HECW2: variants seen among roughly 807,000 people sequenced by gnomAD.
HECW2 encodes the protein E3 ubiquitin-protein ligase HECW2.
HECW2 carries 61 observed loss-of-function variants against 175.2 expected under a neutral mutation model. The observed-to-expected ratio is 0.35, with a 90% CI of 0.28 to 0.43. The LOEUF (loss-of-function observed/expected upper bound fraction) is 0.43. Ranked by LOEUF, HECW2 falls within the 20% of genes least tolerant of loss-of-function variation. The pLI is 1.00. For missense variants in HECW2, 1,524 were observed against 2,000.5 expected (o/e 0.76, Z 4.54); for synonymous variants, 671 against 731.0 (o/e 0.92, Z 1.32).
intron 2 of HECW2, among the ~76,000 whole-genome samples, chr2:196,413,269 C>T (rs1172399347): frequency 3.3e-5 from 5 of 152,214 alleles, no homozygotes; most frequent in Middle Eastern, 6.8e-3. Flanking sequence ...GTGGGAGGAT[C>T]GCTTGAGCAC....
chr2:196,340,247 A>G (rs1692698232), intron 3 of HECW2, among the ~76,000 whole-genome samples: 1 of 152,186 alleles, frequency 6.6e-6, no homozygotes, highest in Non-Finnish European at 1.5e-5. Context: ...CAGAGATTCA[A>G]CCAACATTCC....
At chr2:196,219,306 T>G (rs771906490) in intron 26 of HECW2, among the ~76,000 whole-genome samples, 5 of 152,348 alleles carry the variant, frequency 3.3e-5, no homozygotes, top group African/African-American at 4.8e-5. Context: ...ATGTATTCTT[T>G]GCTTAAAATT....
chr2:196,515,661 T>C (rs993579771), intron 1 of HECW2, among the ~76,000 whole-genome samples: 12 of 152,184 alleles, frequency 7.9e-5, no homozygotes, highest in African/African-American at 2.9e-4. Context: ...ATTGTTGAAA[T>C]TGTTTACTGA....
At chr2:196,225,975 C>A in intron 22 of HECW2, 105 bp from the exon 23 acceptor site, 1 of 694,258 alleles carries the variant, frequency 1.4e-6, no homozygotes, top group Non-Finnish European at 2.6e-6. Flanking sequence ...TAAATTTTTC[C>A]AATATTAATT....
intron 14 of HECW2, chr2:196,291,438 T>A (rs1436190710): frequency 1.3e-5 from 2 of 152,206 alleles, no homozygotes; most frequent in African/African-American, 2.4e-5. Flanking sequence ...GAATGCTGCA[T>A]TCATGAGAAT....
intron 21 of HECW2, among the ~76,000 whole-genome samples, chr2:196,238,210 C>A (rs1430451372): frequency 6.6e-6 from 1 of 152,106 alleles, no homozygotes; most frequent in Non-Finnish European, 1.5e-5. Flanking sequence ...GCCTGGGCAG[C>A]AGAGTTAGAC....
Position 196,284,111 on chromosome 2 carries a change from A to G in HECW2, c.3001-5449T>C, listed in dbSNP as rs57063524. ...ACCTTATATCATACTTTATTTTAGG[A>G]AAACATTTCATTATGTATTGAATGA... On this transcript the variant is annotated intron_variant, in intron 14 of 28. Coordinates refer to ENST00000644978, the MANE Select transcript of HECW2 (RefSeq NM_001348768.2). 9.6e-3 allele frequency among the ~76,000 whole-genome samples: 1,467 copies of G among 152,292 alleles called. 20 individuals carry two copies. Among genetic ancestry groups the G allele is most frequent in the African/African-American group, 0.034 (1,407 of 41,552 alleles).
chr2:196,381,390 A>C (rs943727300), intron 2 of HECW2, among the ~76,000 whole-genome samples: 12 of 152,180 alleles, frequency 7.9e-5, no homozygotes, highest in Admixed American at 1.3e-4. Flanking sequence ...CTTAGCTGTT[A>C]ATAAGTTGTA....
At chr2:196,266,154 G>A (rs1185926455) in intron 17 of HECW2, among the ~76,000 whole-genome samples, 1 of 138,286 alleles carries the variant, frequency 7.2e-6, no homozygotes, top group Non-Finnish European at 1.5e-5. Context: ...AACATAGCAA[G>A]ACTCCATCTC....
chr2:196,591,942 G>A (rs926531644), intron 1 of HECW2, among the ~76,000 whole-genome samples: 3 of 152,084 alleles, frequency 2.0e-5, no homozygotes, highest in African/African-American at 7.2e-5. Flanking sequence ...GGAACATACA[G>A]CCATCTGTTG....
intron 19 of HECW2, among the ~76,000 whole-genome samples, chr2:196,244,504 C>T (rs768670308): frequency 2.1e-4 from 32 of 152,152 alleles, no homozygotes; most frequent in Non-Finnish European, 1.0e-4. Flanking sequence ...CTCTGTTAGA[C>T]GAGGCATGAG....
chr2:196,242,272 T>C (rs1688485670), intron 19 of HECW2, 68 bp from the exon 20 acceptor site: 42 of 1,590,384 alleles, frequency 2.6e-5, no homozygotes, highest in Non-Finnish European at 3.6e-5. Context: ...CACATCACCA[T>C]GGACAAAAGC....
rs1437753911 is a variant in HECW2, at chr2:196,201,264, T to A, written c.*13A>T. ...ACCTGCCTGTCCACAGAGATGGGCA[T>A]TCAGCTTCCAGGTCACTCAAGTCCA... On this transcript the variant is annotated 3_prime_UTR_variant, in exon 29 of 29. Transcript: ENST00000644978. 1.9e-6 allele frequency: 3 copies of A among 1,554,888 alleles called. No individual in the cohort carries two copies. The highest frequency in any genetic ancestry group is 1.8e-6 in the Non-Finnish European group (2 of 1,126,368).
intron 28 of HECW2, among the ~76,000 whole-genome samples, chr2:196,212,244 T>C (rs1190867679): frequency 2.0e-5 from 3 of 152,144 alleles, no homozygotes; most frequent in African/African-American, 7.2e-5. Flanking sequence ...AAGTTTGTTA[T>C]AGAGGTAAAC....
At chr2:196,388,909 G>A (rs758229592) in intron 2 of HECW2, among the ~76,000 whole-genome samples, 28 of 152,136 alleles carry the variant, frequency 1.8e-4, no homozygotes, top group Non-Finnish European at 3.1e-4. Context: ...TTTTGCTGAC[G>A]GGGAAGACTG....
chr2:196,431,371 G>A (rs1695708169), intron 2 of HECW2, among the ~76,000 whole-genome samples: 1 of 152,152 alleles, frequency 6.6e-6, no homozygotes, highest in Non-Finnish European at 1.5e-5. Context: ...GTGTGTATGG[G>A]AATCAACTTT....
intron 1 of HECW2, among the ~76,000 whole-genome samples, chr2:196,515,938 A>C (rs957010661): frequency 6.6e-6 from 1 of 151,076 alleles, no homozygotes; most frequent in African/African-American, 2.5e-5. Context: ...AGGCTAGCCA[A>C]CAGGGCGAAA....
At chr2:196,217,209 T>A in intron 26 of HECW2, 116 bp from the exon 27 acceptor site, 2 of 686,452 alleles carry the variant, frequency 2.9e-6, no homozygotes, top group Non-Finnish European at 4.9e-6. Context: ...CTTTACAAGT[T>A]GTCTATAATT....
chr2:196,573,463 C>T (rs560487204), intron 1 of HECW2, among the ~76,000 whole-genome samples: 1 of 152,074 alleles, frequency 6.6e-6, no homozygotes, highest in East Asian at 1.9e-4. Context: ...GCCATGGTAA[C>T]TATGGAAAAC....
Sources: allele counts gnomAD v4.1 joint callset (sites outside exome capture counted in the v4.1 genomes callset), GRCh38; gene constraint gnomAD v4.1.1; transcripts MANE v1.5; gene names NCBI Gene and HGNC (gene_info 2026-07-23, HGNC 2026-07-21).